Variants in AK4 observed in about 807,000 individuals in gnomAD.
AK4 encodes the protein adenylate kinase 4, also known as adenylate kinase 4, mitochondrial.
In AK4, 13 loss-of-function variants were observed where a neutral mutation model predicts 24.6. That is an observed-to-expected ratio of 0.53 (90% CI 0.34 to 0.84). The LOEUF (loss-of-function observed/expected upper bound fraction) is 0.84. AK4 is among the 40% of genes least tolerant of loss of function. AK4 has a pLI of 0.01. For missense variants in AK4, 192 were observed against 288.2 expected (o/e 0.67, Z 2.42); for synonymous variants, 88 against 107.0 (o/e 0.82, Z 1.10).
In AK4 at chr1:65,230,170, A is replaced by G. The variant is rs1855982; in HGVS notation, c.*3993A>G. On this transcript the variant is annotated 3_prime_UTR_variant, in exon 5 of 5. Transcript: ENST00000327299. ...CCCCCTGCTGCCCTCTAGCAGCCAAACTCAGATGAGTTCCATTGTTACCCT... is the reference window on the plus strand; with the variant it reads ...CCCCCTGCTGCCCTCTAGCAGCCAAGCTCAGATGAGTTCCATTGTTACCCT... 0.56 allele frequency: 85,369 copies of G among 151,996 alleles called. 27,724 individuals are homozygous for G. Among genetic ancestry groups the G allele is most frequent in the African/African-American group, 0.89 (37,002 of 41,480 alleles). 9.4% of individuals were successfully genotyped at this position (151,996 alleles called of 1,614,324 possible).
intron 2 of AK4, among the ~76,000 whole-genome samples, chr1:65,193,948 C>T (rs1481845315): frequency 2.6e-5 from 4 of 152,130 alleles, no homozygotes; most frequent in Non-Finnish European, 4.4e-5. Context: ...AAAAATTAGC[C>T]GGGTGTGGTG....
chr1:65,178,096 G>T (rs967961569), intron 1 of AK4, among the ~76,000 whole-genome samples: 1 of 152,142 alleles, frequency 6.6e-6, no homozygotes, highest in Non-Finnish European at 1.5e-5. Flanking sequence ...CTAATAATTT[G>T]TAGGGTCCTG....
At chr1:65,218,593 G>A (rs961183881) in intron 2 of AK4, among the ~76,000 whole-genome samples, 161 bp from the exon 3 acceptor site, 2 of 152,168 alleles carry the variant, frequency 1.3e-5, no homozygotes, top group African/African-American at 2.4e-5. Context: ...TTTATTATGT[G>A]GTGCTAAGGT....
At chr1:65,172,084 TATATATATATATATATATA>T (rs1557444503) in intron 1 of AK4, among the ~76,000 whole-genome samples, 14 of 114,516 alleles carry the variant, frequency 1.2e-4, no homozygotes, top group Middle Eastern at 4.7e-3. Context: ...TATATATATA[TATATATATATATATATATA>T]TTTAAACTCA....
intron 1 of AK4, among the ~76,000 whole-genome samples, chr1:65,154,896 G>A (rs1649925978): frequency 6.6e-6 from 1 of 151,426 alleles, no homozygotes; most frequent in Non-Finnish European, 1.5e-5. Flanking sequence ...TGTCATCCAG[G>A]CTGGAGTGCA....
intron 2 of AK4, among the ~76,000 whole-genome samples, chr1:65,195,982 G>A (rs4511159): frequency 0.48 from 72,405 of 151,980 alleles, 19,993 homozygotes; most frequent in African/African-American, 0.76. Flanking sequence ...CTGTTTTAGT[G>A]AAGTACGTCA....
At chr1:65,224,960 G>A (rs1652409897) in intron 4 of AK4, 90 bp downstream of exon 4, 1 of 964,198 alleles carries the variant, frequency 1.0e-6, no homozygotes, top group African/African-American at 1.6e-5. Flanking sequence ...GCAGAGTAGT[G>A]TTTCTTTAAG....
chr1:65,211,487 C>T (rs939752229), intron 2 of AK4, among the ~76,000 whole-genome samples: 1 of 152,214 alleles, frequency 6.6e-6, no homozygotes, highest in African/African-American at 2.4e-5. Context: ...AGGAGGAAGA[C>T]AGCATGGTGT....
chr1:65,208,746 C>T (rs763914403), intron 2 of AK4, among the ~76,000 whole-genome samples: 2 of 152,206 alleles, frequency 1.3e-5, no homozygotes, highest in Non-Finnish European at 2.9e-5. Context: ...TGGTGGTGGA[C>T]TCTGGCTCTG....
intron 2 of AK4, among the ~76,000 whole-genome samples, chr1:65,211,308 G>T (rs1290017347): frequency 3.3e-5 from 5 of 152,268 alleles, no homozygotes; most frequent in African/African-American, 1.2e-4. Context: ...TTGTGTGTAT[G>T]TGGGGAGAAA....
In AK4 at chr1:65,228,159, A is replaced by G. The variant is rs1305718899; in HGVS notation, c.*1982A>G. 1 of 152,160 alleles carries G rather than the reference A, an allele frequency of 6.6e-6. No homozygotes were observed. The allele number at this position is 152,160 out of a possible 1,614,324, so 9.4% of individuals were successfully genotyped here. A position where few individuals can be genotyped will look rare whatever the true frequency, so the allele number is the denominator to read the frequency against. ...GAAAATTGCACAATTTAGAGTAGTT[A>G]TGCCGTAGAGAAAATTTCCACAAAC... On this transcript the variant is annotated 3_prime_UTR_variant, in exon 5 of 5. Transcript: ENST00000327299.
At chr1:65,187,251 G>A (rs1651130431) in intron 1 of AK4, among the ~76,000 whole-genome samples, 1 of 151,620 alleles carries the variant, frequency 6.6e-6, no homozygotes, top group South Asian at 2.1e-4. Flanking sequence ...GAGAGGCTGA[G>A]GCAGGAGAAT....
At chr1:65,207,224 T>C (rs1332193027) in intron 2 of AK4, among the ~76,000 whole-genome samples, 1 of 152,164 alleles carries the variant, frequency 6.6e-6, no homozygotes, top group Non-Finnish European at 1.5e-5. Context: ...CCTTCCTCCC[T>C]ACCTCCCTTC....
chr1:65,166,326 G>A (rs902065371), intron 1 of AK4, among the ~76,000 whole-genome samples: 2 of 151,022 alleles, frequency 1.3e-5, no homozygotes, highest in East Asian at 2.0e-4. Flanking sequence ...GTGTGTGTGT[G>A]TGTGTGTGTG....
intron 2 of AK4, among the ~76,000 whole-genome samples, chr1:65,209,372 A>G (rs1030314115): frequency 6.6e-6 from 1 of 152,246 alleles, no homozygotes; most frequent in African/African-American, 2.4e-5. Context: ...TCATTTAGAA[A>G]GCCTTTCTTG....
chr1:65,180,025 G>A (rs964991248), intron 1 of AK4, among the ~76,000 whole-genome samples: 2 of 152,156 alleles, frequency 1.3e-5, no homozygotes, highest in Admixed American at 1.3e-4. Flanking sequence ...GTGAGGAAAC[G>A]GAGGCACAAA....
intron 1 of AK4, among the ~76,000 whole-genome samples, chr1:65,153,625 T>C (rs1649874154): frequency 6.6e-6 from 1 of 152,050 alleles, no homozygotes; most frequent in Non-Finnish European, 1.5e-5. Context: ...TTGTACAAAA[T>C]TTAGAAAATA....
chr1:65,151,698 T>G (rs1649776661), intron 1 of AK4, among the ~76,000 whole-genome samples: 1 of 152,222 alleles, frequency 6.6e-6, no homozygotes. Context: ...TACATCTTAG[T>G]CCAGAAGTCA....
intron 1 of AK4, among the ~76,000 whole-genome samples, chr1:65,183,687 G>GTA (rs1557450613): frequency 3.3e-4 from 49 of 149,138 alleles, no homozygotes; most frequent in Non-Finnish European, 4.1e-4. Context: ...GTGTGTGTGT[G>GTA]TGTGTGTATG....
Sources: allele counts gnomAD v4.1 joint callset (sites outside exome capture counted in the v4.1 genomes callset), GRCh38; gene constraint gnomAD v4.1.1; transcripts MANE v1.5; gene names NCBI Gene and HGNC (gene_info 2026-07-23, HGNC 2026-07-21).